The following TM9SF3 variants were observed in gnomAD, a reference collection of about 807,000 sequenced individuals.
The protein encoded by TM9SF3 is SM-11044-binding protein.
TM9SF3 carries 14 observed loss-of-function variants against 78.6 expected under a neutral mutation model. The observed-to-expected ratio is 0.18, with a 90% CI of 0.12 to 0.28. The LOEUF is 0.28. Among genes scored for constraint, TM9SF3 ranks in the 10% least tolerant of loss-of-function variants. The probability of loss-of-function intolerance (pLI) is 1.00; values close to 1 mark genes in which losing one functional copy is unlikely to be tolerated. For synonymous variants in TM9SF3, 231 were observed against 241.7 expected, an observed-to-expected ratio of 0.96 and a Z score of 0.41; for missense variants, 496 against 721.9, an observed-to-expected ratio of 0.69 and a Z score of 3.59.
At chr10:96,569,629 G>T (rs1228389807) in intron 2 of TM9SF3, among the ~76,000 whole-genome samples, 2 of 152,122 alleles carry the variant, frequency 1.3e-5, no homozygotes, top group African/African-American at 2.4e-5. Context: ...CTACTTCCAA[G>T]AATTCATCCT....
chr10:96,569,133 T>C (rs1848410953), intron 2 of TM9SF3, among the ~76,000 whole-genome samples: 1 of 152,160 alleles, frequency 6.6e-6, no homozygotes, highest in African/African-American at 2.4e-5. Context: ...ATGGGACCAC[T>C]GCACTCCAGC....
intron 11 of TM9SF3, among the ~76,000 whole-genome samples, 168 bp downstream of exon 11, chr10:96,530,372 A>AT (rs1335083708): frequency 1.3e-5 from 2 of 152,212 alleles, no homozygotes; most frequent in African/African-American, 4.8e-5. Flanking sequence ...TGAATATTTA[A>AT]GAACACAGCC....
At chr10:96,567,301 T>C (rs949238909) in intron 2 of TM9SF3, among the ~76,000 whole-genome samples, 3 of 152,070 alleles carry the variant, frequency 2.0e-5, no homozygotes, top group African/African-American at 7.2e-5. Flanking sequence ...AGCAGGCTGG[T>C]CTTGAACTCC....
chr10:96,572,400 ATCT>A (rs1251767520), intron 2 of TM9SF3, among the ~76,000 whole-genome samples: 2 of 151,978 alleles, frequency 1.3e-5, no homozygotes, highest in South Asian at 2.1e-4. Flanking sequence ...CCTAAAGCAC[ATCT>A]TCTATTCCAC....
At chr10:96,559,831 T>G (rs553231621) in intron 4 of TM9SF3, 95 bp from the exon 5 acceptor site, 3 of 660,072 alleles carry the variant, frequency 4.5e-6, no homozygotes, top group East Asian at 5.7e-5. Context: ...TACACACACT[T>G]AGAATTAAAA....
chr10:96,580,058 CA>C (rs1166011074), intron 1 of TM9SF3, among the ~76,000 whole-genome samples: 2 of 152,192 alleles, frequency 1.3e-5, no homozygotes, highest in African/African-American at 4.8e-5. Context: ...AGCAGTGTAT[CA>C]GGGGATCCCT....
chr10:96,578,285 T>C (rs1403274335), intron 1 of TM9SF3, among the ~76,000 whole-genome samples: 2 of 152,264 alleles, frequency 1.3e-5, no homozygotes, highest in African/African-American at 2.4e-5. Context: ...GCGTTAGGTA[T>C]TAAGAATATA....
chr10:96,522,147 CA>C lies in TM9SF3; in HGVS notation c.*115del. Reference sequence around the variant, plus strand: ...AAGCCACCGACGAAAGAGAGACCCACAAAGTACCCAGTGTGTTAAAGCCCAA... The same window carrying C: ...AAGCCACCGACGAAAGAGAGACCCACAAGTACCCAGTGTGTTAAAGCCCAA... On this transcript the variant is annotated 3_prime_UTR_variant, in exon 15 of 15. Transcript: ENST00000371142. 1 of 825,856 alleles carries C rather than the reference CA, an allele frequency of 1.2e-6. No individual in the cohort carries two copies. Among genetic ancestry groups the C allele is most frequent in the East Asian group, 2.7e-5 (1 of 37,122 alleles). 51.2% of individuals were successfully genotyped at this position (825,856 alleles called of 1,614,324 possible). A position where few individuals can be genotyped will look rare whatever the true frequency, so the allele number is the denominator to read the frequency against.
At chr10:96,535,014 T>C (rs2134133604) in intron 9 of TM9SF3, among the ~76,000 whole-genome samples, 1 of 152,276 alleles carries the variant, frequency 6.6e-6, no homozygotes, top group South Asian at 2.1e-4. Flanking sequence ...CACTAAAAAT[T>C]GTATAAGCAA....
chr10:96,541,819 C>A (rs1453238347), intron 9 of TM9SF3, among the ~76,000 whole-genome samples: 1 of 152,210 alleles, frequency 6.6e-6, no homozygotes, highest in Non-Finnish European at 1.5e-5. Context: ...TCTGAAGACT[C>A]TGATTCTCAA....
At chr10:96,570,167 A>C (rs1367996379) in intron 2 of TM9SF3, among the ~76,000 whole-genome samples, 1 of 152,248 alleles carries the variant, frequency 6.6e-6, no homozygotes, top group Non-Finnish European at 1.5e-5. Context: ...ACTATATATA[A>C]CTTACTAAAT....
At chr10:96,538,518 G>T (rs1284022531) in intron 9 of TM9SF3, among the ~76,000 whole-genome samples, 1 of 151,960 alleles carries the variant, frequency 6.6e-6, no homozygotes, top group African/African-American at 2.4e-5. Context: ...AAGCATAAAA[G>T]AAAAAATATA....
At chr10:96,523,424 C>T (rs1847803294) in intron 14 of TM9SF3, among the ~76,000 whole-genome samples, 1 of 151,684 alleles carries the variant, frequency 6.6e-6, no homozygotes, top group Admixed American at 6.6e-5. Context: ...GAACTATACC[C>T]CAAGGCTACC....
rs572421512 is a variant in TM9SF3, at chr10:96,585,467, C to G, written c.102+1267G>C. On this transcript the variant is annotated intron_variant, in intron 1 of 14. Transcript: ENST00000371142. ...AACAAAATTATCTTAGGTGAAACAC[C>G]ACAAGTACAGTACAAAAACATGTCA... 1.7e-4 allele frequency among the ~76,000 whole-genome samples: 26 copies of G among 152,138 alleles called. 1 individual carries two copies. In the South Asian group the frequency reaches 5.0e-3, roughly 29 times the overall value.
intron 13 of TM9SF3, 46 bp downstream of exon 13, chr10:96,527,367 C>CA: frequency 6.3e-7 from 1 of 1,588,902 alleles, no homozygotes; most frequent in Non-Finnish European, 8.6e-7. Context: ...ATTTAAAGGA[C>CA]AAATTTAGTT....
chr10:96,534,829 C>T (rs1251986301), intron 9 of TM9SF3, among the ~76,000 whole-genome samples: 1 of 152,186 alleles, frequency 6.6e-6, no homozygotes, highest in Non-Finnish European at 1.5e-5. Flanking sequence ...GGAGATATCA[C>T]AGCCAGGTTA....
At chr10:96,571,116 A>C (rs1376161350) in intron 2 of TM9SF3, among the ~76,000 whole-genome samples, 1 of 152,198 alleles carries the variant, frequency 6.6e-6, no homozygotes, top group African/African-American at 2.4e-5. Flanking sequence ...AAAGCAGGAG[A>C]AAACATAACA....
At chr10:96,583,213 A>T (rs1303220253) in intron 1 of TM9SF3, among the ~76,000 whole-genome samples, 1 of 152,212 alleles carries the variant, frequency 6.6e-6, no homozygotes, top group Non-Finnish European at 1.5e-5. Flanking sequence ...AATGGGCATA[A>T]GGTATTGTCC....
At chr10:96,575,832 A>G (rs750733414) in intron 2 of TM9SF3, among the ~76,000 whole-genome samples, 4 of 152,186 alleles carry the variant, frequency 2.6e-5, no homozygotes, top group Non-Finnish European at 5.9e-5. Context: ...CAAAAATTCA[A>G]TTACTCAAGC....
Sources: allele counts gnomAD v4.1 joint callset (sites outside exome capture counted in the v4.1 genomes callset), GRCh38; gene constraint gnomAD v4.1.1; transcripts MANE v1.5; gene names NCBI Gene and HGNC (gene_info 2026-07-23, HGNC 2026-07-21).